The following CFAP299 variants were observed in gnomAD, a reference collection of about 807,000 sequenced individuals.
CFAP299 encodes cilia- and flagella-associated protein 299.
CFAP299 carries 21 observed loss-of-function variants against 27.0 expected under a neutral mutation model. That is an observed-to-expected ratio of 0.78 (90% CI 0.55 to 1.12). The LOEUF (loss-of-function observed/expected upper bound fraction) is 1.12, where lower values mean the gene tolerates loss of function less well. Among genes scored for constraint, CFAP299 ranks in the 50% most tolerant of loss-of-function variants. The probability of loss-of-function intolerance (pLI) is 0.00; values close to 1 mark genes in which losing one functional copy is unlikely to be tolerated. For synonymous variants in CFAP299, 104 were observed against 98.1 expected, an observed-to-expected ratio of 1.06 and a Z score of -0.36; for missense variants, 310 against 276.6, an observed-to-expected ratio of 1.12 and a Z score of -0.86.
At chr4:80,509,378 A>C (rs1468026078) in intron 2 of CFAP299, among the ~76,000 whole-genome samples, 1 of 152,180 alleles carries the variant, frequency 6.6e-6, no homozygotes. Flanking sequence ...AGGAAACAAA[A>C]TTTTAACATA....
Position 80,441,542 on chromosome 4 carries a change from G to A in CFAP299, c.242+78658G>A, listed in dbSNP as rs181946837. On this transcript the variant is annotated intron_variant, in intron 2 of 5. Transcript: ENST00000358105. ...TCATCACCAGGCCTGCCTTACAAGA[G>A]CTCCTGAAGGCTGCACTAAATATGG... Among the ~76,000 whole-genome samples, 230 of 152,230 alleles carry A rather than the reference G, an allele frequency of 1.5e-3. 1 individual carries two copies. The highest frequency in any genetic ancestry group is 5.2e-3 in the African/African-American group (217 of 41,524).
At chr4:80,907,370 T>C (rs1735235187) in intron 4 of CFAP299, among the ~76,000 whole-genome samples, 1 of 152,202 alleles carries the variant, frequency 6.6e-6, no homozygotes, top group Non-Finnish European at 1.5e-5. Context: ...CCTCTGCATG[T>C]CACATAGTTC....
At chr4:80,770,150 A>T (rs1167551016) in intron 3 of CFAP299, among the ~76,000 whole-genome samples, 2 of 152,152 alleles carry the variant, frequency 1.3e-5, no homozygotes, top group Non-Finnish European at 2.9e-5. Flanking sequence ...AGCTAATATA[A>T]TGTTCTCGAG....
intron 3 of CFAP299, among the ~76,000 whole-genome samples, chr4:80,725,313 T>C (rs897668817): frequency 2.6e-5 from 4 of 151,954 alleles, no homozygotes; most frequent in Admixed American, 2.6e-4. Context: ...ATATTAATTT[T>C]ACATATCCAT....
At chr4:80,861,137 G>T (rs564049476) in intron 3 of CFAP299, among the ~76,000 whole-genome samples, 1 of 152,186 alleles carries the variant, frequency 6.6e-6, no homozygotes, top group Non-Finnish European at 1.5e-5. Context: ...CCCCAGCCTC[G>T]CTGCCACCTT....
intron 3 of CFAP299, among the ~76,000 whole-genome samples, chr4:80,651,354 CT>C (rs1740277684): frequency 7.2e-6 from 1 of 137,932 alleles, no homozygotes; most frequent in African/African-American, 3.0e-5. Context: ...CTTCTTCTTT[CT>C]TTCTTCTTCT....
At chr4:80,955,208 A>C (rs1341610434) in intron 5 of CFAP299, among the ~76,000 whole-genome samples, 14 of 152,110 alleles carry the variant, frequency 9.2e-5, no homozygotes, top group Admixed American at 3.9e-4. Context: ...AGGGAATGAG[A>C]AATGGTCATC....
At chr4:80,842,502 G>C (rs1347990095) in intron 3 of CFAP299, among the ~76,000 whole-genome samples, 1 of 152,090 alleles carries the variant, frequency 6.6e-6, no homozygotes, top group Non-Finnish European at 1.5e-5. Flanking sequence ...ATAAAATGGG[G>C]ATAAGTGTGC....
At chr4:80,323,602 T>C in the CFAP299 span, among the ~76,000 whole-genome samples, 2 of 152,006 alleles carry the variant, frequency 1.3e-5, no homozygotes, top group African/African-American at 4.8e-5. Context: ...AAGCTACTAA[T>C]TAGAATTGAT....
chr4:80,570,945 A>C (rs1190608875), intron 2 of CFAP299, among the ~76,000 whole-genome samples: 1 of 152,164 alleles, frequency 6.6e-6, no homozygotes, highest in Non-Finnish European at 1.5e-5. Flanking sequence ...ATGCTAAAGA[A>C]ACAATATATT....
At chr4:80,706,934 G>T (rs115416599) in intron 3 of CFAP299, among the ~76,000 whole-genome samples, 1 of 151,798 alleles carries the variant, frequency 6.6e-6, no homozygotes, top group Non-Finnish European at 1.5e-5. Flanking sequence ...TATAAGTACC[G>T]CCCCTCTCCC....
intron 3 of CFAP299, among the ~76,000 whole-genome samples, chr4:80,848,943 A>G (rs979455536): frequency 7.9e-5 from 12 of 152,192 alleles, no homozygotes; most frequent in African/African-American, 2.7e-4. Flanking sequence ...ACACTATGGT[A>G]GACTTTATAA....
chr4:80,429,966 A>G (rs1727726814), intron 2 of CFAP299, among the ~76,000 whole-genome samples: 2 of 152,228 alleles, frequency 1.3e-5, no homozygotes, highest in East Asian at 1.9e-4. Context: ...TTTTTTATGT[A>G]TACCATCACT....
At chr4:80,763,995 T>C (rs1419487721) in intron 3 of CFAP299, among the ~76,000 whole-genome samples, 1 of 152,014 alleles carries the variant, frequency 6.6e-6, no homozygotes, top group Non-Finnish European at 1.5e-5. Flanking sequence ...CCTAAAACCA[T>C]AAAAACCCTA....
chr4:80,342,949 C>T (rs532038766), intron 1 of CFAP299, among the ~76,000 whole-genome samples: 1 of 152,166 alleles, frequency 6.6e-6, no homozygotes, highest in Non-Finnish European at 1.5e-5. Context: ...TGCAGTGACA[C>T]ACATAGGCTC....
intron 3 of CFAP299, among the ~76,000 whole-genome samples, chr4:80,752,344 AT>A (rs1311092772): frequency 1.5e-4 from 23 of 150,836 alleles, no homozygotes; most frequent in Non-Finnish European, 2.7e-4. Context: ...CTAATCAGCC[AT>A]GGTGCATCCT....
At chr4:80,473,706 A>G (rs895324709) in intron 2 of CFAP299, among the ~76,000 whole-genome samples, 3 of 152,014 alleles carry the variant, frequency 2.0e-5, no homozygotes, top group Non-Finnish European at 4.4e-5. Flanking sequence ...GATTAGCTGC[A>G]ACTGCAGGCA....
At chr4:80,799,699 AAATATATATTTT>A (rs1728210699) in intron 3 of CFAP299, among the ~76,000 whole-genome samples, 9 of 56,116 alleles carry the variant, frequency 1.6e-4, no homozygotes, top group African/African-American at 2.5e-4. Context: ...ATAATATATA[AAATATATATTTT>A]ATATATTATA....
chr4:80,501,965 TTTC>T (rs1731772858), intron 2 of CFAP299, among the ~76,000 whole-genome samples: 1 of 152,058 alleles, frequency 6.6e-6, no homozygotes, highest in South Asian at 2.1e-4. Flanking sequence ...TTTGAAATTC[TTTC>T]TTGTTTTGGG....
Sources: allele counts gnomAD v4.1 joint callset (sites outside exome capture counted in the v4.1 genomes callset), GRCh38; gene constraint gnomAD v4.1.1; transcripts MANE v1.5; gene names NCBI Gene and HGNC (gene_info 2026-07-23, HGNC 2026-07-21).